ZFHX3: variants seen among roughly 807,000 people sequenced by gnomAD.
ZFHX3 encodes zinc finger homeobox 3.
ZFHX3 carries 42 observed loss-of-function variants against 279.1 expected under a neutral mutation model. That is an observed-to-expected ratio of 0.15 (90% CI 0.12 to 0.19). The LOEUF (loss-of-function observed/expected upper bound fraction) is 0.19. ZFHX3 is among the 10% of genes least tolerant of loss of function. ZFHX3 has a pLI of 1.00. For missense variants in ZFHX3, 4,981 were observed against 4,754.0 expected, an observed-to-expected ratio of 1.05 and a Z score of -1.40; for synonymous variants, 2,293 against 1,957.8, an observed-to-expected ratio of 1.17 and a Z score of -4.52.
At chr16:72,943,752 C>T (rs918284708) in intron 3 of ZFHX3, among the ~76,000 whole-genome samples, 1 of 152,282 alleles carries the variant, frequency 6.6e-6, no homozygotes, top group East Asian at 1.9e-4. Flanking sequence ...CTGGGAAGTG[C>T]TGCATCTACT....
At chr16:73,234,791 G>A (rs532357073) in intron 5 of ZFHX3, among the ~76,000 whole-genome samples, 3 of 152,358 alleles carry the variant, frequency 2.0e-5, no homozygotes, top group African/African-American at 4.8e-5. Flanking sequence ...TCTTGACCTT[G>A]TTGGGGTAGG....
intron 1 of ZFHX3, among the ~76,000 whole-genome samples, chr16:72,967,158 T>A (rs1413494776): frequency 6.6e-6 from 1 of 152,220 alleles, no homozygotes; most frequent in Non-Finnish European, 1.5e-5. Flanking sequence ...CCTGAATCCA[T>A]TCCTTTTCTT....
intron 4 of ZFHX3, among the ~76,000 whole-genome samples, chr16:72,837,136 CAG>C (rs1191028424): frequency 6.6e-6 from 1 of 152,196 alleles, no homozygotes; most frequent in East Asian, 1.9e-4. Flanking sequence ...GTGGGAAAAA[CAG>C]AGGCAGGTCT....
At chr16:73,157,785 G>T (rs1306880415) in intron 5 of ZFHX3, among the ~76,000 whole-genome samples, 1 of 152,196 alleles carries the variant, frequency 6.6e-6, no homozygotes, top group East Asian at 1.9e-4. Flanking sequence ...TTTTTATAAC[G>T]CCACGAGGTT....
At chr16:73,041,461 A>T (rs1965112492) in intron 1 of ZFHX3, among the ~76,000 whole-genome samples, 1 of 151,966 alleles carries the variant, frequency 6.6e-6, no homozygotes, top group Non-Finnish European at 1.5e-5. Flanking sequence ...TACTTGAACA[A>T]CATTTTTTAA....
chr16:73,476,943 C>A (rs2018775580), intron 2 of ZFHX3, among the ~76,000 whole-genome samples: 1 of 152,174 alleles, frequency 6.6e-6, no homozygotes, highest in Admixed American at 6.5e-5. Context: ...TTTGTGAAGT[C>A]TCCAATAGCA....
At chr16:73,263,870 A>C (rs892533614) in intron 4 of ZFHX3, among the ~76,000 whole-genome samples, 1 of 152,148 alleles carries the variant, frequency 6.6e-6, no homozygotes, top group African/African-American at 2.4e-5. Flanking sequence ...ATCCTATAAA[A>C]ATGAGAGCCC....
intron 5 of ZFHX3, among the ~76,000 whole-genome samples, chr16:72,821,157 T>C (rs925945364): frequency 2.0e-5 from 3 of 152,216 alleles, no homozygotes; most frequent in African/African-American, 7.2e-5. Flanking sequence ...ATATAACTTA[T>C]CAGAACCTTA....
chr16:72,985,434 C>T (rs1040265627), intron 1 of ZFHX3, among the ~76,000 whole-genome samples: 3 of 152,162 alleles, frequency 2.0e-5, no homozygotes, highest in Admixed American at 2.0e-4. Context: ...CCCAGGAAAG[C>T]CAGTTGCATA....
intron 3 of ZFHX3, among the ~76,000 whole-genome samples, chr16:73,391,452 A>AG (rs1285400540): frequency 1.0e-4 from 2 of 19,852 alleles, no homozygotes; most frequent in Admixed American, 7.2e-4. Context: ...ACTCTGTCTC[A>AG]AAAAAAAAAA....
intron 4 of ZFHX3, among the ~76,000 whole-genome samples, chr16:73,258,077 G>A (rs1471063820): frequency 6.6e-6 from 1 of 152,158 alleles, no homozygotes; most frequent in Non-Finnish European, 1.5e-5. Flanking sequence ...AGAACCACTG[G>A]AGTACAGTAG....
rs568260229 is a variant in ZFHX3, at chr16:72,852,783, G to A, written c.3449-22924C>T. On this transcript the variant is annotated intron_variant, in intron 4 of 9. Coordinates refer to ENST00000268489, the MANE Select transcript of ZFHX3 (RefSeq NM_006885.4). ...AGTTGATAACCTAACCAGACAGAAC[G>A]CTCCCCATGGTAGTTTTCTCCTCCA... 3.2e-4 allele frequency among the ~76,000 whole-genome samples: 49 copies of A among 152,254 alleles called. No individual in the cohort carries two copies. The South Asian group carries it at 8.5e-3, about 26-fold the overall frequency.
intron 3 of ZFHX3, among the ~76,000 whole-genome samples, chr16:73,427,661 C>T (rs150845736): frequency 6.6e-6 from 1 of 152,136 alleles, no homozygotes; most frequent in East Asian, 1.9e-4. Flanking sequence ...CTTGGCTGGA[C>T]AAAGTGACTC....
At chr16:72,827,038 A>G (rs2036950197) in intron 5 of ZFHX3, among the ~76,000 whole-genome samples, 1 of 152,246 alleles carries the variant, frequency 6.6e-6, no homozygotes, top group African/African-American at 2.4e-5. Flanking sequence ...AGTGGCTAGC[A>G]TAAGGCAGCA....
chr16:73,871,513 AGT>A (rs1282648823), intron 1 of ZFHX3, among the ~76,000 whole-genome samples: 84 of 151,456 alleles, frequency 5.5e-4, no homozygotes, highest in African/African-American at 1.9e-3. Context: ...AGAGAGAGAG[AGT>A]GTGTGTGCTT....
chr16:73,489,134 G>A (rs536433797), intron 2 of ZFHX3, among the ~76,000 whole-genome samples: 59 of 152,192 alleles, frequency 3.9e-4, no homozygotes, highest in African/African-American at 1.3e-3. Context: ...AGTACCTTCC[G>A]TGATACCTAA....
At chr16:73,646,451 T>C (rs900216098) in intron 2 of ZFHX3, among the ~76,000 whole-genome samples, 3 of 151,764 alleles carry the variant, frequency 2.0e-5, no homozygotes, top group Admixed American at 6.6e-5. Flanking sequence ...TTTAAAAAGA[T>C]AGAAAGAGAA....
chr16:73,293,246 C>G (rs987967474), intron 4 of ZFHX3, among the ~76,000 whole-genome samples: 10 of 152,128 alleles, frequency 6.6e-5, no homozygotes, highest in African/African-American at 2.4e-4. Context: ...ACCAGAGTCA[C>G]AGCTGGTAAA....
chr16:73,455,204 G>A (rs2018351089), intron 3 of ZFHX3, among the ~76,000 whole-genome samples: 1 of 152,156 alleles, frequency 6.6e-6, no homozygotes, highest in Non-Finnish European at 1.5e-5. Flanking sequence ...TGGAACAAAG[G>A]TGAATGCATT....
Sources: gnomAD v4.1 joint callset for allele counts (sites outside exome capture counted in the v4.1 genomes callset) on GRCh38, gnomAD v4.1.1 for gene constraint, MANE v1.5 for transcripts, NCBI Gene and HGNC (gene_info 2026-07-23, HGNC 2026-07-21) for gene names.